Variants in RAD21 observed in about 807,000 individuals in gnomAD.
RAD21 encodes double-strand-break repair protein rad21 homolog.
Under a neutral mutation model 71.5 loss-of-function variants are expected in RAD21, and 18 were observed. The ratio of observed to expected loss-of-function variants is 0.25; its 90% CI spans 0.17 to 0.37. RAD21 has a LOEUF of 0.37. Ranked by LOEUF, RAD21 falls within the 10% of genes least tolerant of loss-of-function variation. RAD21 has a pLI of 1.00. For synonymous variants in RAD21, 248 were observed against 254.0 expected (o/e 0.98, Z 0.22); for missense variants, 493 against 769.1 (o/e 0.64, Z 4.25).
chr8:116,848,886 AG>A (rs768273293), intron 13 of RAD21, 59 bp downstream of exon 13: 7 of 1,376,526 alleles, frequency 5.1e-6, no homozygotes, highest in Non-Finnish European at 5.9e-6. Flanking sequence ...TTTTTTTTTC[AG>A]GGAACAATGG....
intron 6 of RAD21, 117 bp downstream of exon 6, chr8:116,857,150 A>G: frequency 2.4e-6 from 2 of 825,438 alleles, no homozygotes; most frequent in South Asian, 1.8e-5. Flanking sequence ...ACTGATCACA[A>G]TTCACTCATA....
At position 116,856,847 on chromosome 8, in the gene RAD21, A is replaced by C. The variant is rs988141078; in HGVS notation, c.689-76T>G. ...CACAACAGCCAATCAATGGAAAAAC[A>C]AAATTATGTTAAAAGGGATAAAATT... On this transcript the variant is annotated intron_variant, in intron 6 of 13. Transcript: ENST00000297338. The C allele has an allele frequency of 5.4e-6, 6 of 1,109,168 alleles. No homozygotes were observed. The South Asian group carries it at 1.5e-4, about 28-fold the overall frequency. The allele number at this position is 1,109,168 out of a possible 1,614,324, so 68.7% of individuals were successfully genotyped here. A position where few individuals can be genotyped will look rare whatever the true frequency, so the allele number is the denominator to read the frequency against.
chr8:116,851,253 G>A (rs1407275398), intron 11 of RAD21: 1 of 152,382 alleles, frequency 6.6e-6, no homozygotes, highest in African/African-American at 2.4e-5. Flanking sequence ...CCAGAAGGAG[G>A]GTGGTTATGA....
chr8:116,856,148 A>G lies in RAD21; in HGVS notation c.937+18T>C, dbSNP rs1237122664. 3.7e-6 allele frequency: 6 copies of G among 1,606,022 alleles called. No homozygotes were observed. The highest frequency in any genetic ancestry group is 4.3e-6 in the Non-Finnish European group (5 of 1,176,304). On this transcript the variant is annotated intron_variant, in intron 8 of 13. Transcript: ENST00000297338. ...CTTATGTTGTATGCTGTATAAATCT[A>G]AAGGTTCATATGCTTACCAGTTATA...
At chr8:116,847,720 A>G in intron 13 of RAD21, 29 bp from the exon 14 acceptor site, 2 of 1,578,744 alleles carry the variant, frequency 1.3e-6, no homozygotes, top group Admixed American at 1.7e-5. Flanking sequence ...AGGGTAACTT[A>G]ATCTGTATAA....
At chr8:116,851,025 G>A (rs1367862554) in intron 11 of RAD21, 3 of 259,652 alleles carry the variant, frequency 1.2e-5, no homozygotes, top group Non-Finnish European at 2.2e-5. Context: ...CTTTTTAGGA[G>A]TCAAATGCTT....
chr8:116,849,009 G>A lies in RAD21; in HGVS notation c.1641C>T (p.Gly547=), dbSNP rs373420454. The A allele has an allele frequency of 2.6e-5, 42 of 1,590,156 alleles. No homozygotes were observed. Among genetic ancestry groups the A allele is most frequent in the Non-Finnish European group, 3.5e-5 (41 of 1,169,040 alleles). ...ATCTTCTTTCTTCCTGATCTTGATC[G>A]CCCCCTGATGCATCTTCATCCTGAA... is the stretch of plus-strand genomic sequence containing the variant. ...EEEEDEDASG[G]DQDQEERRWN... is the part of the protein sequence containing the mutation. Residue 547 remains glycine (G), a synonymous_variant, in exon 13 of 14, where the codon GGC becomes GGT. Transcript: ENST00000297338.
At chr8:116,868,283 T>A (rs1812738615) in intron 1 of RAD21, among the ~76,000 whole-genome samples, 2 of 152,234 alleles carry the variant, frequency 1.3e-5, no homozygotes. Context: ...TTTTTGGATC[T>A]AGCACAATGC....
intron 12 of RAD21, 91 bp downstream of exon 12, chr8:116,850,527 C>T: frequency 1.3e-6 from 2 of 1,531,426 alleles, no homozygotes; most frequent in Non-Finnish European, 1.8e-6. Flanking sequence ...AACTCTGATG[C>T]TCAGCATCAA....
At chr8:116,850,416 GC>G (rs1812324671) in intron 12 of RAD21, among the ~76,000 whole-genome samples, 1 of 152,178 alleles carries the variant, frequency 6.6e-6, no homozygotes, top group African/African-American at 2.4e-5. Context: ...CCACAAGAGA[GC>G]CAATGAGTTA....
At chr8:116,851,694 G>T (rs1264448962) in intron 11 of RAD21, 3 of 323,256 alleles carry the variant, frequency 9.3e-6, no homozygotes, top group Non-Finnish European at 1.7e-5. Flanking sequence ...CAACTTCAGA[G>T]TCAAGGATGC....
intron 2 of RAD21, among the ~76,000 whole-genome samples, chr8:116,865,030 T>C (rs1812663245): frequency 6.6e-6 from 1 of 152,056 alleles, no homozygotes; most frequent in South Asian, 2.1e-4. Context: ...CAACAAGAAC[T>C]GCACACCAAA....
chr8:116,854,509 C>T (rs377667234), intron 8 of RAD21, 41 bp from the exon 9 acceptor site: 70 of 1,474,200 alleles, frequency 4.7e-5, no homozygotes, highest in Non-Finnish European at 6.4e-5. Flanking sequence ...TCCTGAGAGG[C>T]CAGCATGGAA....
rs532229148 is a variant in RAD21 at position 116,866,497 on chromosome 8, C to CCCTA, written c.144+85_144+88dup. On this transcript the variant is annotated intron_variant, in intron 2 of 13. Coordinates refer to ENST00000297338, the MANE Select transcript of RAD21 (RefSeq NM_006265.3). ...AAGGATTTTCCTTGCACTCCAATGC[C>CCCTA]CCTACCTAAAAAAACTGTTTTAGAA... is the stretch of plus-strand genomic sequence containing the variant. 2.0e-3 allele frequency: 2,543 copies of CCCTA among 1,262,768 alleles called. 3 individuals are homozygous for CCCTA. The highest frequency in any genetic ancestry group is 2.4e-3 in the Non-Finnish European group (2,218 of 928,392). The allele number at this position is 1,262,768 out of a possible 1,614,324, so 78.2% of individuals were successfully genotyped here. A position where few individuals can be genotyped will look rare whatever the true frequency, so the allele number is the denominator to read the frequency against.
intron 4 of RAD21, 43 bp downstream of exon 4, chr8:116,861,798 T>C (rs1282508532): frequency 5.5e-6 from 8 of 1,451,098 alleles, no homozygotes; most frequent in African/African-American, 2.8e-5. Flanking sequence ...CTACTGCTTA[T>C]TGCAGACCAA....
rs2130466514 is a variant in RAD21, at chr8:116,856,245, T to C, written c.858A>G (p.Pro286=). The change falls in exon 8 of 14, where the codon CCA becomes CCG. Residue 286 remains proline (P), a synonymous_variant. Coordinates refer to ENST00000297338, the MANE Select transcript of RAD21 (RefSeq NM_006265.3). ...TTGTTTGATCAGTCATGGTTGGCAT[T>C]GGTTCAACGGGATCCACTGAATCAG... ...DSPDSVDPVE[P]MPTMTDQTTL... 6.3e-7 allele frequency: 1 copy of C among 1,593,304 alleles called. No homozygotes were observed. The highest frequency in any genetic ancestry group is 2.3e-5 in the East Asian group (1 of 43,784).
At chr8:116,874,551 G>A (rs569883987) in intron 1 of RAD21, 60 bp downstream of exon 1, 327 of 281,554 alleles carry the variant, frequency 1.2e-3, no homozygotes, top group Middle Eastern at 2.7e-3. Flanking sequence ...CGGCAGAGCG[G>A]CGGGGAAAGG....
At chr8:116,859,838 T>C (rs1270839654) in intron 4 of RAD21, among the ~76,000 whole-genome samples, 2 of 152,208 alleles carry the variant, frequency 1.3e-5, no homozygotes, top group Non-Finnish European at 2.9e-5. Flanking sequence ...GAAGAAGGCA[T>C]GCCTAAGCTG....
Position 116,857,002 on chromosome 8 carries a change from AT to A in RAD21, c.689-232del, listed in dbSNP as rs34370505. Among the ~76,000 whole-genome samples the A allele has an allele frequency of 0.7, 106,802 of 152,064 alleles. 38,740 individuals are homozygous for A. The highest frequency in any genetic ancestry group is 0.89 in the African/African-American group (37,147 of 41,510). On this transcript the variant is annotated intron_variant, in intron 6 of 13. Coordinates refer to ENST00000297338, the MANE Select transcript of RAD21 (RefSeq NM_006265.3). The stretch of plus-strand genomic sequence containing the variant: ...AGTTTATTTATCTATTTTAAAAAAT[AT>A]TTTACTTAACACAGCTATCAAACAC...
Sources: allele counts gnomAD v4.1 joint callset (sites outside exome capture counted in the v4.1 genomes callset), GRCh38; gene constraint gnomAD v4.1.1; transcripts MANE v1.5; gene names NCBI Gene and HGNC (gene_info 2026-07-23, HGNC 2026-07-21).